The following PCID2 variants were observed in gnomAD, a reference collection of about 807,000 sequenced individuals.
PCID2 encodes the protein PCI domain-containing protein 2.
Under a neutral mutation model 61.3 loss-of-function variants are expected in PCID2, and 41 were observed. That is an observed-to-expected ratio of 0.67 (90% CI 0.52 to 0.87). The LOEUF (loss-of-function observed/expected upper bound fraction) is 0.87. PCID2 is among the 40% of genes least tolerant of loss of function. The pLI is 0.00. For synonymous variants in PCID2, 187 were observed against 177.8 expected (o/e 1.05, Z -0.41); for missense variants, 392 against 493.4 (o/e 0.79, Z 1.95).
chr13:113,186,751 G>A (rs891999118), intron 7 of PCID2: 3 of 152,104 alleles, frequency 2.0e-5, no homozygotes, highest in African/African-American at 4.8e-5. Flanking sequence ...CGCAGCCTAG[G>A]ACCCACAGGC....
chr13:113,171,961 T>A, the PCID2 span: 25 of 1,613,340 alleles, frequency 1.5e-5, no homozygotes, highest in East Asian at 3.3e-4. The surrounding 1 kb of genome is among the most constrained non-coding windows in gnomAD (Gnocchi z 5.1). Context: ...ACTGGATGGA[T>A]GGAAGTGTGG....
intron 6 of PCID2, among the ~76,000 whole-genome samples, chr13:113,193,736 C>G (rs192073301): frequency 5.9e-5 from 9 of 151,988 alleles, no homozygotes; most frequent in Middle Eastern, 3.4e-3. Flanking sequence ...CTAAAATTTC[C>G]ATTTGGTTCT....
the PCID2 span, chr13:113,165,204 C>T: frequency 1.4e-6 from 2 of 1,395,242 alleles, no homozygotes; most frequent in Non-Finnish European, 2.0e-6. Flanking sequence ...ATGTTGACAA[C>T]TAAGTGAATC....
chr13:113,206,020 C>A (rs928980744), intron 1 of PCID2, among the ~76,000 whole-genome samples: 19 of 152,132 alleles, frequency 1.2e-4, no homozygotes, highest in Non-Finnish European at 2.9e-5. Flanking sequence ...ACTGGTGATG[C>A]CAAGTTAACA....
rs2037920951 is a variant in PCID2, at chr13:113,184,476, G to A, written c.555C>T (p.Leu185=). The change falls in exon 9 of 14, where the codon CTC becomes CTT. Residue 185 remains leucine (L), a synonymous_variant. Transcript: ENST00000337344. The stretch of plus-strand genomic sequence containing the variant: ...CTCTAATTAGGGGTTTACATAAATG[G>A]AGTTTGTTGATCTATAATGAATAAC... ...LFKIYFKINK[L]HLCKPLIRAI... is the part of the protein sequence containing the mutation. The A allele has an allele frequency of 6.3e-7, 1 of 1,581,732 alleles. No homozygotes were observed. Among genetic ancestry groups the A allele is most frequent in the Middle Eastern group, 1.7e-4 (1 of 5,996 alleles).
chr13:113,189,760 C>T lies in PCID2; in HGVS notation c.467+1112G>A, dbSNP rs568811039. The stretch of plus-strand genomic sequence containing the variant: ...GATTGAGGTCAGGTGCAGTGGCTCA[C>T]GCCTATAATCCCAGCACTTTGGGAG... On this transcript the variant is annotated intron_variant, in intron 7 of 13. Transcript: ENST00000337344. 4.7e-4 allele frequency among the ~76,000 whole-genome samples: 70 copies of T among 149,396 alleles called. 2 individuals are homozygous for T. The highest frequency in any genetic ancestry group is 4.1e-4 in the Non-Finnish European group (28 of 67,732).
the PCID2 span, among the ~76,000 whole-genome samples, chr13:113,166,713 C>T: frequency 6.6e-6 from 1 of 152,352 alleles, no homozygotes; most frequent in African/African-American, 2.4e-5. Context: ...CCCAAGCTTT[C>T]TAAGACAGTT....
chr13:113,188,357 T>C (rs2038310022), intron 7 of PCID2: 1 of 152,224 alleles, frequency 6.6e-6, no homozygotes, highest in East Asian at 1.9e-4. Flanking sequence ...CTATACATCT[T>C]GTAGGCTTGG....
chr13:113,199,422 C>T (rs529797037), intron 2 of PCID2, among the ~76,000 whole-genome samples: 3 of 152,256 alleles, frequency 2.0e-5, no homozygotes, highest in Non-Finnish European at 2.9e-5. Flanking sequence ...AAGCACACTG[C>T]GTTTTTTTGT....
rs763520433 is a variant in PCID2 at position 113,181,099 on chromosome 13, G to T, written c.786+31C>A. ...GCTGTCAACTTTGTGAAAGCACCAG[G>T]ATCTATAAACATGGAGTAATAATCA... On this transcript the variant is annotated intron_variant, in intron 10 of 13. Transcript: ENST00000337344. 7.9e-6 allele frequency: 11 copies of T among 1,397,202 alleles called. No individual in the cohort carries two copies. The South Asian group carries it at 1.3e-4, about 16-fold the overall frequency. 86.6% of individuals were successfully genotyped at this position (1,397,202 alleles called of 1,614,324 possible).
In PCID2 at chr13:113,179,753, C is replaced by T. The variant is rs117017122; in HGVS notation, c.986+164G>A. On this transcript the variant is annotated intron_variant, in intron 12 of 13. Coordinates refer to ENST00000337344, the MANE Select transcript of PCID2 (RefSeq NM_001127202.4). This position sits in a 1 kb window ranked among gnomAD's most constrained non-coding sequence, Gnocchi z 4.3. ...TACTCACGTGTCTCGCGCAGGGTCC[C>T]CAGGAGGCAGTGGGCGGAGGCTTCA... Among the ~76,000 whole-genome samples the T allele has an allele frequency of 1.6e-4, 25 of 152,296 alleles. No individual in the cohort carries two copies. In the East Asian group the frequency reaches 4.8e-3, roughly 29 times the overall value.
chr13:113,194,204 G>A (rs2038833802), intron 6 of PCID2, among the ~76,000 whole-genome samples: 2 of 152,190 alleles, frequency 1.3e-5, no homozygotes. Flanking sequence ...AGATGGGGTG[G>A]GACGGACCTG....
rs896155960 is a variant in PCID2, at chr13:113,177,602, A to T, written c.*596T>A. ...GTTTTTTAAAAGAAATTTTTTTTTA[A>T]CCAACAAAGCAAAGGCAAATAAAAT... On this transcript the variant is annotated 3_prime_UTR_variant, in exon 14 of 14. Transcript: ENST00000337344. 6.6e-6 allele frequency: 1 copy of T among 152,194 alleles called. No homozygotes were observed. The highest frequency in any genetic ancestry group is 1.5e-5 in the Non-Finnish European group (1 of 68,040). 9.4% of individuals were successfully genotyped at this position (152,194 alleles called of 1,614,324 possible).
rs1480889721 is a variant in PCID2 at position 113,179,246 on chromosome 13, C to G, written c.987-157G>C. Among the ~76,000 whole-genome samples the G allele has an allele frequency of 4.6e-5, 7 of 152,156 alleles. No homozygotes were observed. Among genetic ancestry groups the G allele is most frequent in the African/African-American group, 1.7e-4 (7 of 41,420 alleles). ...AACTACACTCTCAGAGCTATTAAAT[C>G]TAATTTGACTTTTCAATCTTTAAAA... On this transcript the variant is annotated intron_variant, in intron 12 of 13. Coordinates refer to ENST00000337344, the MANE Select transcript of PCID2 (RefSeq NM_001127202.4). This position sits in a 1 kb window ranked among gnomAD's most constrained non-coding sequence, Gnocchi z 4.3.
the PCID2 span, among the ~76,000 whole-genome samples, chr13:113,169,488 T>C: frequency 8.2e-4 from 125 of 152,324 alleles, no homozygotes; most frequent in African/African-American, 3.0e-3. Context: ...TTTCCAGACA[T>C]GTGAATTTTA....
At chr13:113,170,304 G>T in the PCID2 span, 2 of 671,630 alleles carry the variant, frequency 3.0e-6, no homozygotes. Flanking sequence ...TTTGGCGGGG[G>T]GTGGGGGTGG....
chr13:113,199,824 T>C (rs75820342), intron 2 of PCID2, among the ~76,000 whole-genome samples: 1 of 152,246 alleles, frequency 6.6e-6, no homozygotes, highest in East Asian at 1.9e-4. Flanking sequence ...CTGGTCTGAG[T>C]TGCAAGTCTG....
chr13:113,207,501 C>A (rs1055567508), intron 1 of PCID2, among the ~76,000 whole-genome samples: 1 of 152,046 alleles, frequency 6.6e-6, no homozygotes, highest in Non-Finnish European at 1.5e-5. Context: ...AAGAAAAGGC[C>A]CTGGGCTTAC....
the PCID2 span, chr13:113,165,084 G>A: frequency 6.2e-7 from 1 of 1,613,006 alleles, no homozygotes; most frequent in Non-Finnish European, 8.5e-7. Context: ...TGACCTCTGA[G>A]AAGCGTGCAC....
Sources: gnomAD v4.1 joint callset for allele counts (sites outside exome capture counted in the v4.1 genomes callset) on GRCh38, gnomAD v4.1.1 for gene constraint, Gnocchi (gnomAD v3.1) non-coding constraint, MANE v1.5 for transcripts, NCBI Gene and HGNC (gene_info 2026-07-23, HGNC 2026-07-21) for gene names.